The following ANXA1 variants were observed in gnomAD, a reference collection of about 807,000 sequenced individuals.
The protein encoded by ANXA1 is annexin A1.
Under a neutral mutation model 47.9 loss-of-function variants are expected in ANXA1, and 39 were observed. That is an observed-to-expected ratio of 0.81 (90% CI 0.63 to 1.06). ANXA1 has a LOEUF of 1.06. ANXA1 is among the 50% of genes least tolerant of loss of function. ANXA1 has a pLI of 0.00. For synonymous variants in ANXA1, 146 were observed against 142.5 expected (o/e 1.02, Z -0.17); for missense variants, 446 against 422.7 (o/e 1.06, Z -0.48).
chr9:73,163,657 T>C, intron 8 of ANXA1, 125 bp downstream of exon 8: 1 of 907,018 alleles, frequency 1.1e-6, no homozygotes, highest in East Asian at 2.7e-5. Flanking sequence ...TAATGTTCAT[T>C]TCCTGAATGA....
chr9:73,167,034 T>A (rs1306888831), intron 10 of ANXA1, among the ~76,000 whole-genome samples: 4 of 152,170 alleles, frequency 2.6e-5, no homozygotes, highest in African/African-American at 9.7e-5. Flanking sequence ...TGTTCTGCAC[T>A]CAGGCAGTGA....
chr9:73,169,904 A>T, intron 12 of ANXA1, 147 bp from the exon 13 acceptor site: 1 of 446,762 alleles, frequency 2.2e-6, no homozygotes, highest in Non-Finnish European at 3.9e-6. Context: ...AAAATCAGTT[A>T]TCTGTTGTAT....
rs138475849 is a variant in ANXA1 at position 73,166,625 on chromosome 9, T to C, written c.802+433T>C. 3.3e-3 allele frequency among the ~76,000 whole-genome samples: 508 copies of C among 152,244 alleles called. 3 individuals are homozygous for C. Among genetic ancestry groups the C allele is most frequent in the African/African-American group, 0.012 (492 of 41,562 alleles). On this transcript the variant is annotated intron_variant, in intron 10 of 12. Coordinates refer to ENST00000257497, the MANE Select transcript of ANXA1 (RefSeq NM_000700.3). ...GATTCAGTGGGTCCGAGTTGGCCTC[T>C]AAAAATCGGTACTTTTTAAAGATCT... is the stretch of plus-strand genomic sequence containing the variant.
intron 12 of ANXA1, 123 bp downstream of exon 12, chr9:73,169,277 T>G: frequency 9.6e-7 from 1 of 1,044,164 alleles, no homozygotes; most frequent in South Asian, 2.3e-5. Flanking sequence ...TAATATATTA[T>G]GGTGTATACT....
intron 1 of ANXA1, chr9:73,157,999 T>C (rs767815834): frequency 6.6e-6 from 1 of 152,562 alleles, no homozygotes; most frequent in East Asian, 1.9e-4. Flanking sequence ...GCTTCTTCTT[T>C]AACTTTTCTG....
Position 73,162,835 on chromosome 9 carries a change from C to T in ANXA1, c.529C>T (p.Arg177Trp), listed in dbSNP as rs779426054. 4 of 1,612,988 alleles carry T rather than the reference C, an allele frequency of 2.5e-6. No homozygotes were observed. Among genetic ancestry groups the T allele is most frequent in the Non-Finnish European group, 3.4e-6 (4 of 1,179,358 alleles). The change falls in exon 7 of 13, where the codon CGG becomes TGG. Residue 177 changes from arginine (R) to tryptophan (W), a missense_variant. By Grantham distance (101) the Arg-to-Trp change is moderately radical. Coordinates refer to ENST00000257497, the MANE Select transcript of ANXA1 (RefSeq NM_000700.3). ...AACCTCAGACACATCTGGAGATTTT[C>T]GGAACGCTTTGCTTTCTCTTGCTAA... ...DITSDTSGDF[R>W]NALLSLAKGD...
chr9:73,153,123 T>C (rs982824374), intron 1 of ANXA1, among the ~76,000 whole-genome samples: 55 of 152,242 alleles, frequency 3.6e-4, no homozygotes, highest in African/African-American at 1.3e-3. Flanking sequence ...ACACCCTAGC[T>C]CCAGGCTCAA....
At position 73,162,801 on chromosome 9, in the gene ANXA1, C is replaced by T; in HGVS notation, c.495C>T (p.Ala165=). The T allele has an allele frequency of 6.2e-7, 1 of 1,612,886 alleles. No homozygotes were observed. Among genetic ancestry groups the T allele is most frequent in the Non-Finnish European group, 8.5e-7 (1 of 1,179,336 alleles). ...VYREELKRDL[A]KDITSDTSGD... is the part of the protein sequence containing the mutation. ...TCTCAGAACTGAAGAGAGATCTGGC[C>T]AAAGACATAACCTCAGACACATCTG... is the stretch of plus-strand genomic sequence containing the variant. The change falls in exon 7 of 13, where the codon GCC becomes GCT. Residue 165 remains alanine, a synonymous_variant. Transcript: ENST00000257497.
chr9:73,168,909 G>GTGTGTGTGTGTGTA, intron 11 of ANXA1, 123 bp from the exon 12 acceptor site: 1 of 752,126 alleles, frequency 1.3e-6, no homozygotes, highest in Non-Finnish European at 2.2e-6. Context: ...GTGTGTGTGT[G>GTGTGTGTGTGTGTA]TGTATAGCTA....
In ANXA1 at chr9:73,159,432, G is replaced by A. The variant is rs182642121; in HGVS notation, c.270+9G>A. The A allele has an allele frequency of 6.2e-7, 1 of 1,608,080 alleles. No homozygotes were observed. The highest frequency in any genetic ancestry group is 2.2e-5 in the East Asian group (1 of 44,770). ...TCCAGGAAACAGGAAAGGTAAGTTA[G>A]AGTGGTAAATTTAGATATTTAATTT... On this transcript the variant is annotated intron_variant, in intron 4 of 12. Coordinates refer to ENST00000257497, the MANE Select transcript of ANXA1 (RefSeq NM_000700.3).
At chr9:73,160,979 T>A in intron 6 of ANXA1, 86 bp downstream of exon 6, 1 of 874,708 alleles carries the variant, frequency 1.1e-6, no homozygotes, top group South Asian at 1.7e-5. Context: ...CTATGGTAAT[T>A]ATGGCAGCTT....
intron 1 of ANXA1, chr9:73,154,234 AG>A: frequency 8.6e-7 from 1 of 1,165,644 alleles, no homozygotes; most frequent in Non-Finnish European, 1.2e-6. Context: ...TACATATTCG[AG>A]GAAAAACTAT....
In ANXA1 at chr9:73,160,385, C is replaced by T. The variant is rs758676101; in HGVS notation, c.384+9C>T. The T allele has an allele frequency of 2.6e-6, 4 of 1,551,226 alleles. No individual in the cohort carries two copies. The East Asian group carries it at 7.1e-5, about 27-fold the overall frequency. ...TTCGTGCTGCCATGAAGGTAAATCG[C>T]CCAATTTGAGCAAACTCCTTTCCTC... On this transcript the variant is annotated intron_variant, in intron 5 of 12. Transcript: ENST00000257497.
chr9:73,168,713 G>A (rs1389784319), intron 11 of ANXA1: 3 of 171,518 alleles, frequency 1.7e-5, no homozygotes, highest in African/African-American at 7.1e-5. Flanking sequence ...GTTTTAAATA[G>A]ATAGACTAGT....
intron 10 of ANXA1, 46 bp from the exon 11 acceptor site, chr9:73,167,450 AT>A (rs766261103): frequency 9.6e-6 from 15 of 1,560,634 alleles, no homozygotes; most frequent in African/African-American, 4.1e-5. Flanking sequence ...TGGATATTTC[AT>A]TTTTTTCATG....
rs933517191 is a variant in ANXA1 at position 73,163,682 on chromosome 9, T to C, written c.612+150T>C. ...TTCCTGAATGAGGCATGTCTTTCTG[T>C]AGCCCCCACACACAAAAAAGTAGTC... On this transcript the variant is annotated intron_variant, in intron 8 of 12. Coordinates refer to ENST00000257497, the MANE Select transcript of ANXA1 (RefSeq NM_000700.3). 6.4e-5 allele frequency: 45 copies of C among 701,660 alleles called. 1 individual carries two copies. In the Middle Eastern group the frequency reaches 1.3e-3, roughly 21 times the overall value. The allele number at this position is 701,660 out of a possible 1,614,324, so 43.5% of individuals were successfully genotyped here.
At chr9:73,165,368 C>T (rs1035191544) in intron 9 of ANXA1, 159 bp downstream of exon 9, 2 of 549,542 alleles carry the variant, frequency 3.6e-6, no homozygotes, top group African/African-American at 3.9e-5. Flanking sequence ...TCAATTTGTC[C>T]AATTTTGTAC....
chr9:73,160,642 G>A (rs906440263), intron 5 of ANXA1, among the ~76,000 whole-genome samples, 161 bp from the exon 6 acceptor site: 2 of 151,982 alleles, frequency 1.3e-5, no homozygotes, highest in African/African-American at 4.8e-5. Context: ...AACTTGTTTT[G>A]TTTTAGGGCA....
In ANXA1 at chr9:73,169,027, G is replaced by A. The variant is rs1824279601; in HGVS notation, c.862-5G>A. 7 of 1,603,354 alleles carry A rather than the reference G, an allele frequency of 4.4e-6. No homozygotes were observed. Among genetic ancestry groups the A allele is most frequent in the Non-Finnish European group, 6.0e-6 (7 of 1,176,416 alleles). ...GAGACACTTACCCTCATTTATTTTG[G>A]CCAGGGTGTTGGAACTCGCCATAAG... is the stretch of plus-strand genomic sequence containing the variant. On this transcript the variant is annotated splice_region_variant and splice_polypyrimidine_tract_variant and intron_variant, in intron 11 of 12. Coordinates refer to ENST00000257497, the MANE Select transcript of ANXA1 (RefSeq NM_000700.3).
Sources: gnomAD v4.1 joint callset for allele counts (sites outside exome capture counted in the v4.1 genomes callset) on GRCh38, gnomAD v4.1.1 for gene constraint, MANE v1.5 for transcripts, NCBI Gene and HGNC (gene_info 2026-07-23, HGNC 2026-07-21) for gene names.